The following MYO5C variants were observed in gnomAD, a reference collection of about 807,000 sequenced individuals.
MYO5C encodes myosin VC.
Under a neutral mutation model 235.7 loss-of-function variants are expected in MYO5C, and 194 were observed. The ratio of observed to expected loss-of-function variants is 0.82; its 90% CI spans 0.73 to 0.93. MYO5C has a LOEUF of 0.93. MYO5C is among the 40% of genes least tolerant of loss of function. The probability of loss-of-function intolerance (pLI) is 0.00; values close to 1 mark genes in which losing one functional copy is unlikely to be tolerated. For synonymous variants in MYO5C, 707 were observed against 754.8 expected, an observed-to-expected ratio of 0.94 and a Z score of 1.04; for missense variants, 2,038 against 2,127.2, an observed-to-expected ratio of 0.96 and a Z score of 0.82.
intron 29 of MYO5C, among the ~76,000 whole-genome samples, chr15:52,222,071 T>A (rs1373934997): frequency 2.0e-5 from 3 of 152,234 alleles, no homozygotes; most frequent in Non-Finnish European, 4.4e-5. Context: ...TTTGCCCAAG[T>A]ACAGGCTAAT....
chr15:52,244,520 T>G lies in MYO5C; in HGVS notation c.2226A>C (p.Ala742=). 1.9e-6 allele frequency: 3 copies of G among 1,614,104 alleles called. No homozygotes were observed. Among genetic ancestry groups the G allele is most frequent in the Non-Finnish European group, 2.5e-6 (3 of 1,180,028 alleles). ...QFGKTKIFFR[A]GQVAYLEKLR... ...GTTTCTCTAAATAAGCCACTTGTCC[T>G]GCTCTGAAGAAAATTTTGGTTTTAC... The change falls in exon 19 of 41, where the codon GCA becomes GCC. Residue 742 remains alanine, a synonymous_variant. Coordinates refer to ENST00000261839, the MANE Select transcript of MYO5C (RefSeq NM_018728.4).
intron 1 of MYO5C, among the ~76,000 whole-genome samples, chr15:52,294,462 C>G (rs1289975382): frequency 6.6e-6 from 1 of 152,226 alleles, no homozygotes; most frequent in Non-Finnish European, 1.5e-5. Context: ...TGTGTCCGGA[C>G]TGTTACTAAG....
chr15:52,274,673 C>CA (rs999520635), intron 5 of MYO5C, among the ~76,000 whole-genome samples: 3 of 134,672 alleles, frequency 2.2e-5, no homozygotes, highest in East Asian at 5.1e-4. Context: ...TCTTAGTACC[C>CA]CCCCCCCGAC....
Position 52,289,935 on chromosome 15 carries a change from C to G in MYO5C, c.27+5675G>C, listed in dbSNP as rs552920645. ...GCCTTCTTTGGCTTTCTGCTGTGTA[C>G]TTCTGTTCCTTCCACCCTAGCCCCA... On this transcript the variant is annotated intron_variant, in intron 1 of 40. Transcript: ENST00000261839. Among the ~76,000 whole-genome samples the G allele has an allele frequency of 2.6e-5, 4 of 152,322 alleles. No individual in the cohort carries two copies. The South Asian group carries it at 6.2e-4, about 24-fold the overall frequency.
At chr15:52,264,124 T>A in intron 9 of MYO5C, 66 bp downstream of exon 9, 1 of 1,256,402 alleles carries the variant, frequency 8.0e-7, no homozygotes, top group East Asian at 2.4e-5. Flanking sequence ...CAAAGGCAGG[T>A]CAGCTGCGAG....
At chr15:52,202,096 A>G (rs912126920) in intron 38 of MYO5C, among the ~76,000 whole-genome samples, 11 of 152,166 alleles carry the variant, frequency 7.2e-5, no homozygotes, top group African/African-American at 2.4e-4. Flanking sequence ...AAACGTCCCC[A>G]TTTGGAAGCA....
rs773179192 is a variant in MYO5C, at chr15:52,223,652, C to T, written c.3519G>A (p.Val1173=). 7 of 1,614,142 alleles carry T rather than the reference C, an allele frequency of 4.3e-6. No individual in the cohort carries two copies. The highest frequency in any genetic ancestry group is 3.4e-6 in the Non-Finnish European group (4 of 1,180,018). ...EKEIEALNFK[V]VHLSQEINHL... The stretch of plus-strand genomic sequence containing the variant: ...GGTTGATTTCTTGACTGAGATGCAC[C>T]ACTTTGAAGTTCAAAGCTTCAATCT... The change falls in exon 29 of 41, where the codon GTG becomes GTA. Residue 1173 remains valine, a synonymous_variant. Coordinates refer to ENST00000261839, the MANE Select transcript of MYO5C (RefSeq NM_018728.4).
Position 52,268,358 on chromosome 15 carries a change from ATTGAGACCATCTTGGCCAACACGG to A in MYO5C, c.940+1371_940+1394del, listed in dbSNP as rs538180249. ...GGCGGGCAGATCACGAGGTCAGGAGATTGAGACCATCTTGGCCAACACGGTGAAACCCTGTATCTACTAAAATAC... is the reference window on the plus strand; with the variant it reads ...GGCGGGCAGATCACGAGGTCAGGAGATGAAACCCTGTATCTACTAAAATAC... On this transcript the variant is annotated intron_variant, in intron 8 of 40. Coordinates refer to ENST00000261839, the MANE Select transcript of MYO5C (RefSeq NM_018728.4). Among the ~76,000 whole-genome samples the A allele has an allele frequency of 2.6e-5, 4 of 152,260 alleles. No homozygotes were observed. In the South Asian group the frequency reaches 8.3e-4, roughly 32 times the overall value.
chr15:52,213,837 G>A (rs969731858), intron 33 of MYO5C, among the ~76,000 whole-genome samples: 4 of 152,198 alleles, frequency 2.6e-5, no homozygotes, highest in Admixed American at 6.5e-5. Flanking sequence ...GGGATGCAGC[G>A]GGGGCTGGGA....
At chr15:52,204,535 C>T (rs2141265383) in intron 38 of MYO5C, among the ~76,000 whole-genome samples, 1 of 152,176 alleles carries the variant, frequency 6.6e-6, no homozygotes, top group Non-Finnish European at 1.5e-5. Flanking sequence ...TTCCTGTGTT[C>T]TCCCCCTGGC....
At chr15:52,238,709 T>G (rs2036145376) in intron 21 of MYO5C, among the ~76,000 whole-genome samples, 1 of 152,162 alleles carries the variant, frequency 6.6e-6, no homozygotes, top group Non-Finnish European at 1.5e-5. Context: ...TGGCGCGATC[T>G]CGGCTCACTG....
chr15:52,260,663 T>G (rs1284911435), intron 10 of MYO5C, among the ~76,000 whole-genome samples, 199 bp downstream of exon 10: 3 of 152,224 alleles, frequency 2.0e-5, no homozygotes, highest in Admixed American at 2.0e-4. Context: ...TCATTCCTAA[T>G]TCAGCATCTC....
At chr15:52,230,581 T>G (rs909141095) in intron 24 of MYO5C, among the ~76,000 whole-genome samples, 1 of 151,400 alleles carries the variant, frequency 6.6e-6, no homozygotes, top group Non-Finnish European at 1.5e-5. Context: ...AGCTAATGTT[T>G]GTATTTTTAG....
chr15:52,265,687 C>T (rs562625873), intron 8 of MYO5C, among the ~76,000 whole-genome samples: 3 of 152,092 alleles, frequency 2.0e-5, no homozygotes, highest in African/African-American at 7.2e-5. Flanking sequence ...TATAAATGTG[C>T]GCCACCACGC....
chr15:52,223,393 T>G, intron 29 of MYO5C, 151 bp downstream of exon 29: 1 of 697,580 alleles, frequency 1.4e-6, no homozygotes, highest in South Asian at 2.0e-5. Flanking sequence ...TGCAGTCATT[T>G]TATAGTTTAA....
intron 37 of MYO5C, 184 bp downstream of exon 37, chr15:52,205,632 G>T: frequency 2.4e-6 from 1 of 421,220 alleles, no homozygotes; most frequent in East Asian, 3.7e-5. Flanking sequence ...TACCAACAGC[G>T]TACTATTATT....
intron 35 of MYO5C, among the ~76,000 whole-genome samples, chr15:52,210,482 A>G (rs2035421456): frequency 6.6e-6 from 1 of 152,196 alleles, no homozygotes; most frequent in South Asian, 2.1e-4. Flanking sequence ...TAATTCCCAG[A>G]AACGGGTACT....
chr15:52,234,874 A>G (rs1434520812), intron 23 of MYO5C, among the ~76,000 whole-genome samples: 1 of 152,212 alleles, frequency 6.6e-6, no homozygotes, highest in Non-Finnish European at 1.5e-5. Context: ...AGGTGCGTGT[A>G]GAATCCCCAG....
chr15:52,234,558 T>C (rs1328031427), intron 23 of MYO5C, among the ~76,000 whole-genome samples: 1 of 152,120 alleles, frequency 6.6e-6, no homozygotes, highest in African/African-American at 2.4e-5. Flanking sequence ...GGAAACCCTT[T>C]CCTAACTCAG....
Sources: allele counts gnomAD v4.1 joint callset (sites outside exome capture counted in the v4.1 genomes callset), GRCh38; gene constraint gnomAD v4.1.1; transcripts MANE v1.5; gene names NCBI Gene and HGNC (gene_info 2026-07-23, HGNC 2026-07-21).